Variants in ACOD1 observed in about 807,000 individuals in gnomAD.
The protein encoded by ACOD1 is cis-aconitate decarboxylase.
Under a neutral mutation model 14.2 loss-of-function variants are expected in ACOD1, and 14 were observed. That is an observed-to-expected ratio of 0.99 (90% CI 0.65 to 1.54). The LOEUF is 1.54. Ranked by LOEUF, ACOD1 falls within the 40% of genes most tolerant of loss-of-function variation. The pLI, the probability that ACOD1 is intolerant of heterozygous loss-of-function variation, is 0.00. For missense variants in ACOD1, 530 were observed against 586.3 expected (o/e 0.90, Z 0.99); for synonymous variants, 182 against 221.7 (o/e 0.82, Z 1.59).
rs183677924 is a variant in ACOD1 at position 76,949,433 on chromosome 13, G to T, written c.12+863G>T. On this transcript the variant is annotated intron_variant, in intron 1 of 4. Transcript: ENST00000377462. ...CGCAAGGACCACAGACAGCTGAGCA[G>T]CTGTGTGTTTATTCCCCTCACGTTT... 3.3e-5 allele frequency among the ~76,000 whole-genome samples: 5 copies of T among 152,314 alleles called. No individual in the cohort carries two copies. In the East Asian group the frequency reaches 9.6e-4, roughly 29 times the overall value.
chr13:76,957,528 C>T lies in ACOD1; in HGVS notation c.989C>T (p.Ala330Val), dbSNP rs754876546. The change falls in exon 5 of 5, where the codon GCC becomes GTC. Residue 330 changes from alanine (A) to valine (V), a missense_variant. Coordinates refer to ENST00000377462, the MANE Select transcript of ACOD1 (RefSeq NM_001258406.2). Reference sequence around the variant, plus strand: ...CCCTTTCCAGTTTCGGAGCATGAAGCCCGTCATTCATTCCAGTATGTGGCC... The same window carrying T: ...CCCTTTCCAGTTTCGGAGCATGAAGTCCGTCATTCATTCCAGTATGTGGCC... ...NRPFPVSEHEARHSFQYVACA... is the reference protein window; with the variant it reads ...NRPFPVSEHEVRHSFQYVACA... 7.1e-6 allele frequency: 11 copies of T among 1,550,480 alleles called. No homozygotes were observed. The African/African-American group carries it at 1.5e-4, about 21-fold the overall frequency.
chr13:76,949,837 G>C (rs2033805856), intron 1 of ACOD1, among the ~76,000 whole-genome samples: 1 of 152,006 alleles, frequency 6.6e-6, no homozygotes, highest in Non-Finnish European at 1.5e-5. Flanking sequence ...CTCTCTTTCT[G>C]CCCCTAAAAA....
At chr13:76,956,263 G>A (rs1393646159) in intron 4 of ACOD1, among the ~76,000 whole-genome samples, 1 of 152,124 alleles carries the variant, frequency 6.6e-6, no homozygotes, top group Non-Finnish European at 1.5e-5. Flanking sequence ...GTGCAGTGGT[G>A]TAATCTTGGC....
Position 76,957,499 on chromosome 13 carries a change from C to T in ACOD1, c.960C>T (p.Asn320=). The change falls in exon 5 of 5, where the codon AAC becomes AAT. Residue 320 remains asparagine, a synonymous_variant. Coordinates refer to ENST00000377462, the MANE Select transcript of ACOD1 (RefSeq NM_001258406.2). ...VLRIPNVQYV[N]RPFPVSEHEA... ...GGATACCAAATGTCCAGTATGTAAA[C>T]AGGCCCTTTCCAGTTTCGGAGCATG... is the stretch of plus-strand genomic sequence containing the variant. 1 of 1,550,600 alleles carries T rather than the reference C, an allele frequency of 6.4e-7. No individual in the cohort carries two copies. The highest frequency in any genetic ancestry group is 8.7e-7 in the Non-Finnish European group (1 of 1,147,002).
chr13:76,957,895 T>C lies in ACOD1; in HGVS notation c.1356T>C (p.Ser452=). Residue 452 remains serine (S), a synonymous_variant, in exon 5 of 5, where the codon TCT becomes TCC. Transcript: ENST00000377462. ...ATCTAGAAGACCTAGAAGACTGTTC[T>C]GTGTTAACTACACTTCTCAAAGGAC... ...VKNLEDLEDC[S]VLTTLLKGPS... 1.9e-6 allele frequency: 3 copies of C among 1,550,886 alleles called. No individual in the cohort carries two copies. The highest frequency in any genetic ancestry group is 2.6e-6 in the Non-Finnish European group (3 of 1,147,012).
intron 3 of ACOD1, 91 bp downstream of exon 3, chr13:76,953,780 T>C: frequency 1.2e-6 from 1 of 806,552 alleles, no homozygotes; most frequent in Non-Finnish European, 2.1e-6. Flanking sequence ...AATTCTATAT[T>C]TTACAGATGA....
intron 3 of ACOD1, among the ~76,000 whole-genome samples, 193 bp from the exon 4 acceptor site, chr13:76,955,126 C>CAAAAAAAAAA (rs34230053): frequency 5.1e-5 from 5 of 98,870 alleles, no homozygotes; most frequent in South Asian, 4.2e-4. Context: ...GACTCTGTCT[C>CAAAAAAAAAA]AAAAAAAAAA....
intron 1 of ACOD1, 77 bp from the exon 2 acceptor site, chr13:76,952,412 C>T (rs1306869502): frequency 6.2e-6 from 8 of 1,283,290 alleles, no homozygotes; most frequent in Middle Eastern, 1.9e-4. Flanking sequence ...TGCAAAAGTG[C>T]CTCAAGGTGT....
intron 4 of ACOD1, among the ~76,000 whole-genome samples, chr13:76,956,360 C>T (rs1327572174): frequency 6.7e-6 from 1 of 150,242 alleles, no homozygotes; most frequent in African/African-American, 2.5e-5. Context: ...CACCACCATG[C>T]CCAGCTAATT....
In ACOD1 at chr13:76,957,723, G is replaced by A; in HGVS notation, c.1184G>A (p.Gly395Glu). The A allele has an allele frequency of 6.4e-7, 1 of 1,550,660 alleles. No individual in the cohort carries two copies. Among genetic ancestry groups the A allele is most frequent in the African/African-American group, 1.4e-5 (1 of 73,160 alleles). Reference protein sequence around the residue: ...YCEISVTLKDGATFTDRSDTF... With the variant: ...YCEISVTLKDEATFTDRSDTF... The stretch of plus-strand genomic sequence containing the variant: ...GAAATAAGTGTCACCCTCAAGGATG[G>A]AGCCACCTTCACAGATCGCTCTGAT... Residue 395 changes from glycine (G) to glutamate (E), a missense_variant, in exon 5 of 5, where the codon GGA becomes GAA. Gly to Glu is a moderately conservative substitution (Grantham distance 98). Transcript: ENST00000377462.
At position 76,955,402 on chromosome 13, in the gene ACOD1, A is replaced by G. The variant is rs1593891308; in HGVS notation, c.348A>G (p.Ala116=). 1 of 1,550,648 alleles carries G rather than the reference A, an allele frequency of 6.4e-7. No individual in the cohort carries two copies. Among genetic ancestry groups the G allele is most frequent in the Non-Finnish European group, 8.7e-7 (1 of 1,147,010 alleles). The change falls in exon 4 of 5, where the codon GCA becomes GCG. Residue 116 remains alanine (A), a synonymous_variant. Coordinates refer to ENST00000377462, the MANE Select transcript of ACOD1 (RefSeq NM_001258406.2). ...TCCTTCCTGTCCTCACAGCTTTAGC[A>G]GAAGCCCTGCCAAGGAGTCCAAAGT... ...GAVLPVLTAL[A]EALPRSPKFS... is the part of the protein sequence containing the mutation.
At chr13:76,948,793 G>C (rs753517700) in intron 1 of ACOD1, among the ~76,000 whole-genome samples, 1 of 152,216 alleles carries the variant, frequency 6.6e-6, no homozygotes, top group Non-Finnish European at 1.5e-5. Flanking sequence ...AATGAATTAT[G>C]ACAAGTTCAT....
At position 76,958,047 on chromosome 13, in the gene ACOD1, A is replaced by G; in HGVS notation, c.*62A>G. 7.1e-7 allele frequency: 1 copy of G among 1,410,420 alleles called. No individual in the cohort carries two copies. The highest frequency in any genetic ancestry group is 1.4e-5 in the African/African-American group (1 of 69,190). 87.4% of individuals were successfully genotyped at this position (1,410,420 alleles called of 1,614,324 possible). On this transcript the variant is annotated 3_prime_UTR_variant, in exon 5 of 5. Coordinates refer to ENST00000377462, the MANE Select transcript of ACOD1 (RefSeq NM_001258406.2). ...GATTCAATGATTTGGTTTGTAAAGC[A>G]AGGGTCTGCTGCTTGGTTTTCCCAG...
chr13:76,954,919 G>A (rs932463577), intron 3 of ACOD1, among the ~76,000 whole-genome samples: 2 of 152,008 alleles, frequency 1.3e-5, no homozygotes, highest in Non-Finnish European at 2.9e-5. Context: ...ACGAGGTCAG[G>A]AGTTTGAGAC....
rs746102899 is a variant in ACOD1 at position 76,955,496 on chromosome 13, G to A, written c.442G>A (p.Ala148Thr). ...IEVQGRLLHF[A>T]KEANDMPKRF... ...AGTGCAAGGCCGATTACTGCATTTC[G>A]CCAAGGAGGCCAATGACATGCCAAA... The change falls in exon 4 of 5, where the codon GCC becomes ACC. Residue 148 changes from alanine (A) to threonine (T), a missense_variant. Coordinates refer to ENST00000377462, the MANE Select transcript of ACOD1 (RefSeq NM_001258406.2). 6.5e-5 allele frequency: 101 copies of A among 1,550,604 alleles called. No individual in the cohort carries two copies. The African/African-American group carries it at 7.5e-4, about 12-fold the overall frequency.
At chr13:76,949,835 C>T (rs1178936760) in intron 1 of ACOD1, among the ~76,000 whole-genome samples, 5 of 152,198 alleles carry the variant, frequency 3.3e-5, no homozygotes, top group Admixed American at 1.3e-4. Flanking sequence ...CTCTCTCTTT[C>T]TGCCCCTAAA....
Position 76,955,540 on chromosome 13 carries a change from G to A in ACOD1, c.470+16G>A. ...TGCCAAAGAGGTATGGAGAGAATTT[G>A]CCCCATCAAAAGGTAGTCACATCCC... On this transcript the variant is annotated intron_variant, in intron 4 of 4. Coordinates refer to ENST00000377462, the MANE Select transcript of ACOD1 (RefSeq NM_001258406.2). 1 of 1,547,558 alleles carries A rather than the reference G, an allele frequency of 6.5e-7. No homozygotes were observed. The highest frequency in any genetic ancestry group is 8.7e-7 in the Non-Finnish European group (1 of 1,144,714).
chr13:76,958,220 G>T lies in ACOD1; in HGVS notation c.*235G>T. The stretch of plus-strand genomic sequence containing the variant: ...AAATGAGTTTGTAAGCATTCACAAG[G>T]GTGAAATTCAACTCACCTGTGATTT... On this transcript the variant is annotated 3_prime_UTR_variant, in exon 5 of 5. Transcript: ENST00000377462. 2 of 427,420 alleles carry T rather than the reference G, an allele frequency of 4.7e-6. No individual in the cohort carries two copies. Among genetic ancestry groups the T allele is most frequent in the Non-Finnish European group, 8.3e-6 (2 of 242,382 alleles). The allele number at this position is 427,420 out of a possible 1,614,324, so 26.5% of individuals were successfully genotyped here.
rs2033900604 is a variant in ACOD1 at position 76,958,219 on chromosome 13, G to A, written c.*234G>A. 1.1e-5 allele frequency: 5 copies of A among 436,288 alleles called. No homozygotes were observed. The highest frequency in any genetic ancestry group is 1.6e-5 in the Non-Finnish European group (4 of 247,596). 27.0% of individuals were successfully genotyped at this position (436,288 alleles called of 1,614,324 possible). A position where few individuals can be genotyped will look rare whatever the true frequency, so the allele number is the denominator to read the frequency against. On this transcript the variant is annotated 3_prime_UTR_variant, in exon 5 of 5. Transcript: ENST00000377462. ...AAAATGAGTTTGTAAGCATTCACAA[G>A]GGTGAAATTCAACTCACCTGTGATT...
Sources: allele counts gnomAD v4.1 joint callset (sites outside exome capture counted in the v4.1 genomes callset), GRCh38; gene constraint gnomAD v4.1.1; transcripts MANE v1.5; gene names NCBI Gene and HGNC (gene_info 2026-07-23, HGNC 2026-07-21).